Variants in CSNK1G3 observed in about 807,000 individuals in gnomAD.
The protein encoded by CSNK1G3 is casein kinase I isoform gamma-3.
A neutral mutation model predicts 64.3 loss-of-function variants in CSNK1G3; 23 were observed. That is an observed-to-expected ratio of 0.36 (90% CI 0.26 to 0.51). The LOEUF (loss-of-function observed/expected upper bound fraction) is 0.51, where lower values mean the gene tolerates loss of function less well. Ranked by LOEUF, CSNK1G3 falls within the 20% of genes least tolerant of loss-of-function variation. The pLI is 0.96. For missense variants in CSNK1G3, 357 were observed against 510.5 expected (o/e 0.70, Z 2.90); for synonymous variants, 158 against 162.2 (o/e 0.97, Z 0.20).
At chr5:123,596,743 A>C (rs112871734) in intron 10 of CSNK1G3, among the ~76,000 whole-genome samples, 252 of 152,254 alleles carry the variant, frequency 1.7e-3, no homozygotes, top group African/African-American at 5.7e-3. Context: ...ATATTCAATA[A>C]GTGATTAACT....
intron 12 of CSNK1G3, among the ~76,000 whole-genome samples, chr5:123,610,012 A>G (rs551091051): frequency 6.6e-6 from 1 of 152,212 alleles, no homozygotes; most frequent in Non-Finnish European, 1.5e-5. Flanking sequence ...AGGCAAGTTG[A>G]AAAGTTCAGA....
chr5:123,541,225 T>G (rs1164732975), intron 1 of CSNK1G3, among the ~76,000 whole-genome samples: 1 of 152,192 alleles, frequency 6.6e-6, no homozygotes, highest in African/African-American at 2.4e-5. Flanking sequence ...TTTTGCTCAT[T>G]CATATTTATG....
At chr5:123,616,083 C>T (rs1357106380) in exon 13 of CSNK1G3, 1 of 151,892 alleles carries the variant, frequency 6.6e-6, no homozygotes, top group Non-Finnish European at 1.5e-5. Context: ...TATGAATGAT[C>T]TTTTTTTTAT....
intron 12 of CSNK1G3, among the ~76,000 whole-genome samples, chr5:123,612,214 C>T (rs994705551): frequency 2.6e-5 from 4 of 152,064 alleles, no homozygotes; most frequent in Admixed American, 6.5e-5. Flanking sequence ...ACGGTCTAGT[C>T]GGTGTTTACT....
At chr5:123,537,774 C>A (rs544264298) in intron 1 of CSNK1G3, among the ~76,000 whole-genome samples, 24 of 152,138 alleles carry the variant, frequency 1.6e-4, no homozygotes, top group Non-Finnish European at 3.2e-4. Flanking sequence ...CATGTATTTC[C>A]TCCCAATTAA....
chr5:123,569,392 A>G (rs1472865597), intron 4 of CSNK1G3, among the ~76,000 whole-genome samples: 10 of 152,226 alleles, frequency 6.6e-5, no homozygotes, highest in Admixed American at 2.6e-4. Flanking sequence ...GTTACAATGT[A>G]GAGTATAGAA....
At chr5:123,554,845 T>C (rs1285505186) in intron 3 of CSNK1G3, among the ~76,000 whole-genome samples, 1 of 152,230 alleles carries the variant, frequency 6.6e-6, no homozygotes, top group Admixed American at 6.5e-5. Context: ...TTATCTGATA[T>C]ATTAAGGCAG....
At chr5:123,554,502 T>G (rs1324764677) in intron 3 of CSNK1G3, among the ~76,000 whole-genome samples, 1 of 152,198 alleles carries the variant, frequency 6.6e-6, no homozygotes, top group Non-Finnish European at 1.5e-5. Flanking sequence ...CAAGGTCCCC[T>G]CATGAGCATG....
At chr5:123,558,953 C>G (rs1785145097) in intron 4 of CSNK1G3, among the ~76,000 whole-genome samples, 1 of 152,108 alleles carries the variant, frequency 6.6e-6, no homozygotes, top group African/African-American at 2.4e-5. Flanking sequence ...TATGATATGC[C>G]TTATGAGTAT....
intron 1 of CSNK1G3, among the ~76,000 whole-genome samples, chr5:123,533,842 G>A (rs2150123246): frequency 6.6e-6 from 1 of 151,212 alleles, no homozygotes; most frequent in Admixed American, 6.6e-5. Context: ...TTTTGGAAGA[G>A]GGTGTTTTTC....
chr5:123,577,417 A>T (rs566241072), intron 6 of CSNK1G3, among the ~76,000 whole-genome samples: 10 of 152,230 alleles, frequency 6.6e-5, no homozygotes, highest in Admixed American at 1.3e-4. Context: ...ATGTATACAC[A>T]CACACAGAGA....
intron 1 of CSNK1G3, among the ~76,000 whole-genome samples, chr5:123,515,269 A>T (rs1376555660): frequency 6.6e-6 from 1 of 152,202 alleles, no homozygotes; most frequent in Non-Finnish European, 1.5e-5. Context: ...ATTGTTTCAG[A>T]TGTTTTTCAG....
At chr5:123,521,933 A>T (rs1488330808) in intron 1 of CSNK1G3, among the ~76,000 whole-genome samples, 1 of 152,176 alleles carries the variant, frequency 6.6e-6, no homozygotes, top group Non-Finnish European at 1.5e-5. Flanking sequence ...AGGGCCTGGA[A>T]AGGGCTAGGG....
chr5:123,535,806 C>CGTTCAAATTTTGAT, intron 1 of CSNK1G3, among the ~76,000 whole-genome samples: 1 of 152,192 alleles, frequency 6.6e-6, no homozygotes, highest in South Asian at 2.1e-4. Context: ...CAAAATGACC[C>CGTTCAAATTTTGAT]GTTCAAATTT....
chr5:123,594,098 A>G (rs1792962417), intron 10 of CSNK1G3, among the ~76,000 whole-genome samples: 1 of 152,170 alleles, frequency 6.6e-6, no homozygotes, highest in Non-Finnish European at 1.5e-5. Context: ...CACTGTCTTC[A>G]TCAGTAAAAG....
chr5:123,606,169 A>C (rs1795330145), intron 12 of CSNK1G3, among the ~76,000 whole-genome samples: 1 of 152,028 alleles, frequency 6.6e-6, no homozygotes, highest in Non-Finnish European at 1.5e-5. Context: ...TTTGTTAAAG[A>C]GCAGTGATTA....
chr5:123,602,498 A>G (rs1794674437), intron 10 of CSNK1G3, among the ~76,000 whole-genome samples: 2 of 152,192 alleles, frequency 1.3e-5, no homozygotes, highest in South Asian at 4.1e-4. Flanking sequence ...TTTTAAGTCT[A>G]ATAGTCAGTT....
intron 2 of CSNK1G3, among the ~76,000 whole-genome samples, chr5:123,548,562 C>T (rs900972322): frequency 5.4e-5 from 8 of 148,822 alleles, no homozygotes; most frequent in Admixed American, 1.3e-4. Flanking sequence ...AATTTAAATA[C>T]GTGTGTTTAT....
At chr5:123,599,852 G>A (rs1203097427) in intron 10 of CSNK1G3, among the ~76,000 whole-genome samples, 2 of 151,706 alleles carry the variant, frequency 1.3e-5, no homozygotes, top group Non-Finnish European at 2.9e-5. Context: ...TCAGCATTAT[G>A]AATTTATTTT....
Sources: gnomAD v4.1 joint callset for allele counts (sites outside exome capture counted in the v4.1 genomes callset) on GRCh38, gnomAD v4.1.1 for gene constraint, MANE v1.5 for transcripts, NCBI Gene and HGNC (gene_info 2026-07-23, HGNC 2026-07-21) for gene names.